Variants in UNC79 observed in about 807,000 individuals in gnomAD.
The protein encoded by UNC79 is protein unc-79 homolog.
UNC79 carries 37 observed loss-of-function variants against 283.1 expected under a neutral mutation model. The observed-to-expected ratio is 0.13, with a 90% CI of 0.10 to 0.17. The LOEUF (loss-of-function observed/expected upper bound fraction) is 0.17, where lower values mean the gene tolerates loss of function less well. UNC79 is among the 10% of genes least tolerant of loss of function. The pLI is 1.00. For missense variants in UNC79, 2,272 were observed against 3,211.1 expected, an observed-to-expected ratio of 0.71 and a Z score of 7.07; for synonymous variants, 1,107 against 1,200.2, an observed-to-expected ratio of 0.92 and a Z score of 1.61.
intron 7 of UNC79, among the ~76,000 whole-genome samples, chr14:93,514,913 T>C (rs926108517): frequency 6.6e-6 from 1 of 152,348 alleles, no homozygotes; most frequent in Admixed American, 6.5e-5. Flanking sequence ...CTTTTTATTA[T>C]GGTTGTAACT....
intron 47 of UNC79, among the ~76,000 whole-genome samples, chr14:93,700,309 A>G (rs1352248495): frequency 6.6e-6 from 1 of 152,014 alleles, no homozygotes. Context: ...CTGGATTTAT[A>G]GTTTTCATTA....
Position 93,634,437 on chromosome 14 carries a change from A to G in UNC79, c.5717-2779A>G, listed in dbSNP as rs964571706. 2.0e-5 allele frequency: 20 copies of G among 1,008,492 alleles called. No individual in the cohort carries two copies. In the Admixed American group the frequency reaches 3.8e-4, roughly 19 times the overall value. 62.5% of individuals were successfully genotyped at this position (1,008,492 alleles called of 1,614,324 possible). ...ATTATGAATAGCAAATGAAGGGTCA[A>G]TTAAAATTCTATATGGATGTGTGGA... On this transcript the variant is annotated intron_variant, in intron 31 of 48. Coordinates refer to ENST00000555664, the Ensembl canonical transcript of UNC79.
intron 1 of UNC79, among the ~76,000 whole-genome samples, chr14:93,403,990 G>C (rs572580398): frequency 3.3e-5 from 5 of 151,866 alleles, no homozygotes; most frequent in Middle Eastern, 6.8e-3. Context: ...CTGTTTTCTA[G>C]CTGTATAACT....
intron 1 of UNC79, among the ~76,000 whole-genome samples, chr14:93,377,374 G>T (rs763146733): frequency 1.3e-5 from 2 of 152,084 alleles, no homozygotes; most frequent in South Asian, 4.1e-4. Context: ...GATTACAGGT[G>T]TGAGCCACTG....
chr14:93,386,152 A>T (rs1295369873), intron 1 of UNC79, among the ~76,000 whole-genome samples: 1 of 152,052 alleles, frequency 6.6e-6, no homozygotes, highest in African/African-American at 2.4e-5. Context: ...TTCCTTCTAT[A>T]CCCAGTTTTT....
chr14:93,347,025 G>T (rs1439580832), intron 1 of UNC79, among the ~76,000 whole-genome samples: 1 of 151,660 alleles, frequency 6.6e-6, no homozygotes, highest in Non-Finnish European at 1.5e-5. Flanking sequence ...AAGCAGAGGG[G>T]GTGGGGCAAA....
chr14:93,338,948 G>C (rs1466353568), intron 1 of UNC79, among the ~76,000 whole-genome samples: 1 of 152,080 alleles, frequency 6.6e-6, no homozygotes, highest in Non-Finnish European at 1.5e-5. Flanking sequence ...AAATTTAATA[G>C]AGTTTACTTG....
chr14:93,512,964 G>C (rs1387482660), intron 7 of UNC79, among the ~76,000 whole-genome samples: 2 of 151,792 alleles, frequency 1.3e-5, no homozygotes, highest in African/African-American at 4.9e-5. Flanking sequence ...AGAATATGTT[G>C]TAGAGACTCT....
rs528297109 is a variant in UNC79, at chr14:93,680,964, A to G, written c.6742-1653A>G. Among the ~76,000 whole-genome samples the G allele has an allele frequency of 2.0e-5, 3 of 152,312 alleles. No individual in the cohort carries two copies. The East Asian group carries it at 5.8e-4, about 29-fold the overall frequency. On this transcript the variant is annotated intron_variant, in intron 41 of 48. Transcript: ENST00000555664. ...ACTTATAGGTTTTGGCTGGAGTTAA[A>G]GGCTTTACATTTTCTAAAACCTGAT... is the stretch of plus-strand genomic sequence containing the variant.
chr14:93,497,710 G>A (rs1567006357), intron 7 of UNC79, among the ~76,000 whole-genome samples: 1 of 152,260 alleles, frequency 6.6e-6, no homozygotes, highest in East Asian at 1.9e-4. Context: ...GACCCAGACT[G>A]GGCACAGTGG....
intron 40 of UNC79, among the ~76,000 whole-genome samples, chr14:93,663,586 T>G (rs1055260024): frequency 6.6e-6 from 1 of 152,204 alleles, no homozygotes; most frequent in African/African-American, 2.4e-5. Context: ...TAAAGCATTC[T>G]TGTCCCCTTT....
At chr14:93,618,274 A>T (rs747677465) in exon 29 of UNC79, 1 of 1,614,168 alleles carries the variant, frequency 6.2e-7, no homozygotes. Context: ...GCGCAGTATC[A>T]TAGCTGCAAG....
chr14:93,471,514 G>C (rs1029250994), intron 2 of UNC79, among the ~76,000 whole-genome samples: 4 of 151,828 alleles, frequency 2.6e-5, no homozygotes, highest in Non-Finnish European at 5.9e-5. Flanking sequence ...CTGTGGGAAA[G>C]AATTTCAGGT....
chr14:93,582,097 G>T, intron 19 of UNC79, 106 bp from the exon 20 acceptor site: 1 of 1,567,364 alleles, frequency 6.4e-7, no homozygotes, highest in South Asian at 1.1e-5. Context: ...AGCAGCATGG[G>T]ACCCGAGACA....
intron 1 of UNC79, among the ~76,000 whole-genome samples, chr14:93,447,943 G>T (rs2056512483): frequency 6.6e-6 from 1 of 152,150 alleles, no homozygotes; most frequent in African/African-American, 2.4e-5. Flanking sequence ...CAGTCTGAGT[G>T]TCACGTGGGC....
intron 30 of UNC79, among the ~76,000 whole-genome samples, chr14:93,625,385 G>A (rs1005768712): frequency 6.6e-5 from 10 of 152,130 alleles, no homozygotes; most frequent in East Asian, 3.8e-4. Flanking sequence ...AATTTGATTC[G>A]TGGCCCTTCT....
At chr14:93,499,966 A>G (rs1049486170) in intron 7 of UNC79, among the ~76,000 whole-genome samples, 7 of 152,108 alleles carry the variant, frequency 4.6e-5, no homozygotes, top group African/African-American at 1.4e-4. Context: ...AAAAAGTCCA[A>G]TGTAGCCAGA....
intron 32 of UNC79, among the ~76,000 whole-genome samples, chr14:93,637,588 G>C (rs1415397232): frequency 1.3e-5 from 2 of 152,174 alleles, no homozygotes; most frequent in Non-Finnish European, 2.9e-5. Context: ...CCGAGGAGTA[G>C]CTGGGATTAC....
chr14:93,417,831 C>T (rs961546640), intron 1 of UNC79, among the ~76,000 whole-genome samples: 1 of 151,860 alleles, frequency 6.6e-6, no homozygotes, highest in Non-Finnish European at 1.5e-5. Flanking sequence ...TGAGGCTTCT[C>T]CATTCTTCAC....
Sources: allele counts gnomAD v4.1 joint callset (sites outside exome capture counted in the v4.1 genomes callset), GRCh38; gene constraint gnomAD v4.1.1; transcripts MANE v1.5; gene names NCBI Gene and HGNC (gene_info 2026-07-23, HGNC 2026-07-21).